SMAD3: variants seen among roughly 807,000 people sequenced by gnomAD.
SMAD3 encodes MAD homolog 3.
A neutral mutation model predicts 51.8 loss-of-function variants in SMAD3; 12 were observed. The ratio of observed to expected loss-of-function variants is 0.23; its 90% CI spans 0.15 to 0.38. SMAD3 has a LOEUF of 0.38. SMAD3 is among the 10% of genes least tolerant of loss of function. The pLI, the probability that SMAD3 is intolerant of heterozygous loss-of-function variation, is 1.00. For missense variants in SMAD3, 294 were observed against 565.6 expected (o/e 0.52, Z 4.87); for synonymous variants, 238 against 227.7 (o/e 1.05, Z -0.41).
intron 1 of SMAD3, among the ~76,000 whole-genome samples, chr15:67,142,539 C>G (rs934004393): frequency 1.3e-5 from 2 of 152,130 alleles, no homozygotes; most frequent in Non-Finnish European, 2.9e-5. Flanking sequence ...GTGCTTTTTT[C>G]TGCTCAGTGT....
Position 67,184,798 on chromosome 15 carries a change from G to T in SMAD3, c.943G>T (p.Val315Phe), listed in dbSNP as rs1468779374. ...AECLSDSAIF[V>F]QSPNCNQRYG... The stretch of plus-strand genomic sequence containing the variant: ...GTGCCTCAGTGACAGCGCTATTTTT[G>T]TCCAGTCTCCCAACTGTAACCAGCG... Residue 315 changes from valine to phenylalanine, a missense_variant, in exon 7 of 9, where the codon GTC (valine) becomes TTC (phenylalanine). Around this residue, in one of 3 missense-constraint regions of SMAD3, gnomAD observed 118 missense variants for 278.0 expected, o/e 0.42. Transcript: ENST00000327367. 1.2e-6 allele frequency: 2 copies of T among 1,613,848 alleles called. No homozygotes were observed. The highest frequency in any genetic ancestry group is 8.5e-7 in the Non-Finnish European group (1 of 1,180,042).
At chr15:67,111,465 T>A (rs148128801) in intron 1 of SMAD3, among the ~76,000 whole-genome samples, 293 of 152,326 alleles carry the variant, frequency 1.9e-3, no homozygotes, top group African/African-American at 6.8e-3. Flanking sequence ...GTGTACAAGC[T>A]TTTTTTGTGG....
At chr15:67,166,343 C>T (rs1170174787) in intron 3 of SMAD3, 6 of 293,490 alleles carry the variant, frequency 2.0e-5, no homozygotes, top group African/African-American at 1.1e-4. Flanking sequence ...TTAGAGACAA[C>T]AAATAATAAC....
intron 1 of SMAD3, among the ~76,000 whole-genome samples, chr15:67,161,454 C>T (rs1962429490): frequency 6.6e-6 from 1 of 152,242 alleles, no homozygotes; most frequent in South Asian, 2.1e-4. Flanking sequence ...TTCTCCCCCG[C>T]TGCTGGCATG....
In SMAD3 at chr15:67,191,375, G is replaced by A. The variant is rs1041844857; in HGVS notation, c.*839G>A. 4.3e-6 allele frequency: 1 copy of A among 233,304 alleles called. No individual in the cohort carries two copies. Among genetic ancestry groups the A allele is most frequent in the African/African-American group, 2.2e-5 (1 of 45,338 alleles). The allele number at this position is 233,304 out of a possible 1,614,324, so 14.5% of individuals were successfully genotyped here. ...TCTCATGAAGCAGGAGGCCCTTGTC[G>A]TGGGATGGCATTTGGTCTCAGGCAG... On this transcript the variant is annotated 3_prime_UTR_variant, in exon 9 of 9. Transcript: ENST00000327367.
At chr15:67,104,078 G>A (rs898990287) in intron 1 of SMAD3, among the ~76,000 whole-genome samples, 1 of 152,136 alleles carries the variant, frequency 6.6e-6, no homozygotes, top group African/African-American at 2.4e-5. Context: ...TGCTGGTTTT[G>A]TTGTGGCAGC....
In SMAD3 at chr15:67,192,316, G is replaced by C. The variant is rs1335117334; in HGVS notation, c.*1780G>C. On this transcript the variant is annotated 3_prime_UTR_variant, in exon 9 of 9. Transcript: ENST00000327367. ...CAAGCCTCCTGAGGACACAGGAAGAGACGGAAGGAGCACCTTGACAGACTT... is the reference window on the plus strand; with the variant it reads ...CAAGCCTCCTGAGGACACAGGAAGACACGGAAGGAGCACCTTGACAGACTT... 4.3e-6 allele frequency: 1 copy of C among 233,012 alleles called. No individual in the cohort carries two copies. Among genetic ancestry groups the C allele is most frequent in the Admixed American group, 5.6e-5 (1 of 17,752 alleles). The allele number at this position is 233,012 out of a possible 1,614,324, so 14.4% of individuals were successfully genotyped here. A position where few individuals can be genotyped will look rare whatever the true frequency, so the allele number is the denominator to read the frequency against.
At chr15:67,188,872 C>T (rs1381068361) in intron 8 of SMAD3, among the ~76,000 whole-genome samples, 1 of 152,272 alleles carries the variant, frequency 6.6e-6, no homozygotes, top group African/African-American at 2.4e-5. Flanking sequence ...AAATCCTCCT[C>T]TTCCACTTAC....
chr15:67,116,700 G>C (rs765083055), intron 1 of SMAD3, among the ~76,000 whole-genome samples: 1 of 152,210 alleles, frequency 6.6e-6, no homozygotes, highest in Non-Finnish European at 1.5e-5. Context: ...AATGGGCACA[G>C]TGAAGGAGAG....
intron 1 of SMAD3, among the ~76,000 whole-genome samples, chr15:67,098,035 G>A (rs892169631): frequency 6.6e-6 from 1 of 152,160 alleles, no homozygotes; most frequent in Non-Finnish European, 1.5e-5. Context: ...CTTGGTTTAC[G>A]CATCTGTCAA....
chr15:67,094,536 G>C (rs894362121), intron 1 of SMAD3, among the ~76,000 whole-genome samples: 1 of 152,182 alleles, frequency 6.6e-6, no homozygotes, highest in African/African-American at 2.4e-5. Flanking sequence ...GGGCCTGCTG[G>C]AGCAGGCCCT....
Position 67,165,306 on chromosome 15 carries a change from C to A in SMAD3, c.454C>A (p.Pro152Thr), listed in dbSNP as rs1402001403. 6.2e-7 allele frequency: 1 copy of A among 1,614,224 alleles called. No homozygotes were observed. The highest frequency in any genetic ancestry group is 8.5e-7 in the Non-Finnish European group (1 of 1,180,030). ...RHTEIPAEFPPLDDYSHSIPE... is the reference protein window; with the variant it reads ...RHTEIPAEFPTLDDYSHSIPE... Reference sequence around the variant, plus strand: ...CACAGAGATCCCGGCCGAGTTCCCCCCACTGGACGACTACAGCCATTCCAT... The same window carrying A: ...CACAGAGATCCCGGCCGAGTTCCCCACACTGGACGACTACAGCCATTCCAT... Residue 152 changes from proline to threonine, a missense_variant, in exon 3 of 9, where the codon CCA becomes ACA. Pro to Thr is a conservative substitution (Grantham distance 38). Transcript: ENST00000327367.
intron 6 of SMAD3, among the ~76,000 whole-genome samples, chr15:67,183,036 T>G (rs1423752549): frequency 2.3e-5 from 2 of 85,184 alleles, no homozygotes; most frequent in African/African-American, 5.4e-5. Flanking sequence ...TATATATTTT[T>G]TTTTTTTTTT....
chr15:67,179,706 C>G (rs1250194014), intron 5 of SMAD3, among the ~76,000 whole-genome samples: 2 of 152,190 alleles, frequency 1.3e-5, no homozygotes, highest in African/African-American at 4.8e-5. Context: ...CTCTCTTGGG[C>G]TTTACACACC....
chr15:67,153,800 C>A (rs1962212155), intron 1 of SMAD3, among the ~76,000 whole-genome samples: 1 of 152,186 alleles, frequency 6.6e-6, no homozygotes, highest in Non-Finnish European at 1.5e-5. Context: ...TGGGCCTCGC[C>A]AAATCCATAG....
In SMAD3 at chr15:67,086,646, T is replaced by C. The variant is rs76319782; in HGVS notation, c.206+20286T>C. ...TGCAGTTGTAGACACATGCCAGATGTAGGTTGCTATTTTCTCAGCTCAATG... is the reference window on the plus strand; with the variant it reads ...TGCAGTTGTAGACACATGCCAGATGCAGGTTGCTATTTTCTCAGCTCAATG... On this transcript the variant is annotated intron_variant, in intron 1 of 8. Transcript: ENST00000327367. 1.8e-3 allele frequency among the ~76,000 whole-genome samples: 277 copies of C among 152,278 alleles called. 1 individual carries two copies. The highest frequency in any genetic ancestry group is 6.5e-3 in the African/African-American group (269 of 41,550).
At chr15:67,166,892 T>A in intron 4 of SMAD3, 39 bp downstream of exon 4, 3 of 1,490,762 alleles carry the variant, frequency 2.0e-6, no homozygotes, top group African/African-American at 1.4e-5. Context: ...CTTAACTGAT[T>A]AGCAGCTGGT....
At chr15:67,167,980 G>T (rs533598813) in intron 4 of SMAD3, among the ~76,000 whole-genome samples, 80 of 152,306 alleles carry the variant, frequency 5.3e-4, no homozygotes, top group Non-Finnish European at 9.8e-4. Flanking sequence ...CCCAGACAGA[G>T]TCTCCCTCTG....
chr15:67,127,470 G>A (rs982210533), intron 1 of SMAD3, among the ~76,000 whole-genome samples: 1 of 152,156 alleles, frequency 6.6e-6, no homozygotes, highest in Admixed American at 6.5e-5. Context: ...CCTCTGAGCC[G>A]CACCCTGCAG....
Sources: gnomAD v4.1 joint callset for allele counts (sites outside exome capture counted in the v4.1 genomes callset) on GRCh38, gnomAD v4.1.1 for gene constraint, gnomAD v4.1.1 regional missense constraint, MANE v1.5 for transcripts, NCBI Gene and HGNC (gene_info 2026-07-23, HGNC 2026-07-21) for gene names.